MIEF1: variants seen among roughly 807,000 people sequenced by gnomAD.
MIEF1 encodes the protein mitochondrial dynamics protein MIEF1.
MIEF1 carries 14 observed loss-of-function variants against 35.1 expected under a neutral mutation model. The observed-to-expected ratio is 0.40, with a 90% CI of 0.26 to 0.62. The LOEUF is 0.62. MIEF1 is among the 20% of genes least tolerant of loss of function. MIEF1 has a pLI of 0.43. For missense variants in MIEF1, 542 were observed against 615.4 expected (o/e 0.88, Z 1.26); for synonymous variants, 245 against 254.3 (o/e 0.96, Z 0.35).
chr22:39,517,730 C>G lies in MIEF1; in HGVS notation c.*3407C>G. On this transcript the variant is annotated 3_prime_UTR_variant, in exon 6 of 6. Transcript: ENST00000325301. ...TAGGAGACTTAGGACAGAGCTGACC[C>G]TTGCACCAGGCTGGGAGGCTGCAGC... 2.5e-6 allele frequency: 1 copy of G among 401,520 alleles called. No individual in the cohort carries two copies. Among genetic ancestry groups the G allele is most frequent in the African/African-American group, 2.1e-5 (1 of 47,950 alleles). 24.9% of individuals were successfully genotyped at this position (401,520 alleles called of 1,614,324 possible).
Position 39,513,793 on chromosome 22 carries a change from C to T in MIEF1, c.862C>T (p.Arg288Cys), listed in dbSNP as rs201274653. 58 of 1,614,122 alleles carry T rather than the reference C, an allele frequency of 3.6e-5. No individual in the cohort carries two copies. Among genetic ancestry groups the T allele is most frequent in the East Asian group, 3.6e-4 (16 of 44,886 alleles). The change falls in exon 6 of 6, where the codon CGC becomes TGC. Residue 288 changes from arginine to cysteine, a missense_variant. Physicochemically the swap from Arg to Cys is radical, Grantham distance 180. Transcript: ENST00000325301. ...AGGGTCCCTCTTGGACTATGTGATCCGCCCGGCCCCACCCCCAGAAGCCCT... is the reference window on the plus strand; with the variant it reads ...AGGGTCCCTCTTGGACTATGTGATCTGCCCGGCCCCACCCCCAGAAGCCCT... Reference protein sequence around the residue: ...AIGSLLDYVIRPAPPPEALTL... With the variant: ...AIGSLLDYVICPAPPPEALTL...
intron 1 of MIEF1, chr22:39,503,345 T>G (rs1476599324): frequency 6.6e-6 from 1 of 152,236 alleles, no homozygotes; most frequent in Non-Finnish European, 1.5e-5. Context: ...GCTTCGAACA[T>G]TGCACGTTGT....
intron 2 of MIEF1, among the ~76,000 whole-genome samples, chr22:39,507,035 A>G (rs904586908): frequency 6.6e-6 from 1 of 152,192 alleles, no homozygotes; most frequent in Admixed American, 6.5e-5. Context: ...CTTACCTGCT[A>G]GTAGGCTGTA....
At chr22:39,506,921 T>C (rs894001551) in intron 2 of MIEF1, among the ~76,000 whole-genome samples, 2 of 152,202 alleles carry the variant, frequency 1.3e-5, no homozygotes, top group African/African-American at 4.8e-5. Context: ...ATTCACATTG[T>C]TGGGTAACAG....
At position 39,517,442 on chromosome 22, in the gene MIEF1, C is replaced by T. The variant is rs1930734014; in HGVS notation, c.*3119C>T. ...GTCTCCTGGGTCCCGGCCACCTGTC[C>T]ATATTCCACATTTGCTGACTGTGCT... is the stretch of plus-strand genomic sequence containing the variant. On this transcript the variant is annotated 3_prime_UTR_variant, in exon 6 of 6. Transcript: ENST00000325301. 2.4e-6 allele frequency: 1 copy of T among 424,946 alleles called. No individual in the cohort carries two copies. Among genetic ancestry groups the T allele is most frequent in the African/African-American group, 2.1e-5 (1 of 48,632 alleles). 26.3% of individuals were successfully genotyped at this position (424,946 alleles called of 1,614,324 possible). A position where few individuals can be genotyped will look rare whatever the true frequency, so the allele number is the denominator to read the frequency against.
Position 39,514,877 on chromosome 22 carries a change from G to A in MIEF1, c.*554G>A, listed in dbSNP as rs1302066208. ...TTTAGGGTTTCTGGGAGTGAGGCTG[G>A]TAGAAGAGTTGGCCTTTGACCACGG... On this transcript the variant is annotated 3_prime_UTR_variant, in exon 6 of 6. Coordinates refer to ENST00000325301, the MANE Select transcript of MIEF1 (RefSeq NM_019008.6). The A allele has an allele frequency of 3.7e-6, 1 of 267,278 alleles. No individual in the cohort carries two copies. Among genetic ancestry groups the A allele is most frequent in the Non-Finnish European group, 7.2e-6 (1 of 139,740 alleles). 16.6% of individuals were successfully genotyped at this position (267,278 alleles called of 1,614,324 possible).
rs142036376 is a variant in MIEF1 at position 39,512,837 on chromosome 22, C to T, written c.585+343C>T. Among the ~76,000 whole-genome samples the T allele has an allele frequency of 4.7e-4, 71 of 152,030 alleles. 4 individuals are homozygous for T. In the East Asian group the frequency reaches 0.013, roughly 27 times the overall value. On this transcript the variant is annotated intron_variant, in intron 5 of 5. Coordinates refer to ENST00000325301, the MANE Select transcript of MIEF1 (RefSeq NM_019008.6). ...AATTTTTTTGTATTTTTAGTAGAGACGGGGTTTTGCCATGCCGGTCAGGCT... is the reference window on the plus strand; with the variant it reads ...AATTTTTTTGTATTTTTAGTAGAGATGGGGTTTTGCCATGCCGGTCAGGCT...
In MIEF1 at chr22:39,514,239, A is replaced by G. The variant is rs2232093; in HGVS notation, c.1308A>G (p.Ala436=). The G allele has an allele frequency of 2.2e-5, 35 of 1,614,214 alleles. No individual in the cohort carries two copies. In the African/African-American group the frequency reaches 3.6e-4, roughly 17 times the overall value. The change falls in exon 6 of 6, where the codon GCA becomes GCG. Residue 436 remains alanine (A), a synonymous_variant. Coordinates refer to ENST00000325301, the MANE Select transcript of MIEF1 (RefSeq NM_019008.6). The stretch of plus-strand genomic sequence containing the variant: ...TAAACCCCAAGGTGAACTTATTTGC[A>G]GAGCTCACCCCTGAAGAAATAGACG... The part of the protein sequence containing the change: ...SALNPKVNLF[A]ELTPEEIDEL...
chr22:39,500,747 T>A (rs1423752016), upstream of MIEF1, among the ~76,000 whole-genome samples: 1 of 151,698 alleles, frequency 6.6e-6, no homozygotes, highest in Non-Finnish European at 1.5e-5. Flanking sequence ...CAGGCTGGAG[T>A]ACAGTAGCGT....
chr22:39,500,733 C>G (rs958170313), upstream of MIEF1, among the ~76,000 whole-genome samples: 2 of 151,688 alleles, frequency 1.3e-5, no homozygotes, highest in Middle Eastern at 3.4e-3. Flanking sequence ...CTTGTTCTGT[C>G]GCCCAGGCTG....
At chr22:39,501,268 G>A (rs144354846), upstream of MIEF1, among the ~76,000 whole-genome samples, 473 of 152,294 alleles carry the variant, frequency 3.1e-3, 5 homozygotes, top group Non-Finnish European at 4.7e-3. Flanking sequence ...GCTTACCTGG[G>A]GGGAGGCCTG....
intron 2 of MIEF1, chr22:39,509,533 G>GC (rs1377320053): frequency 1.3e-5 from 2 of 152,282 alleles, no homozygotes; most frequent in African/African-American, 4.8e-5. Flanking sequence ...TGCACTGGAG[G>GC]CCAGCCTCTT....
At position 39,512,346 on chromosome 22, in the gene MIEF1, G is replaced by A. The variant is rs773951732; in HGVS notation, c.437G>A (p.Arg146Gln). ...QEKLLTYYRN[R>Q]AAIPAGEQAR... ...AAACTTCTTACTTACTACCGGAACC[G>A]GGCAGCCATCCCTGCTGGAGAGCAG... is the stretch of plus-strand genomic sequence containing the variant. The change falls in exon 5 of 6, where the codon CGG (arginine) becomes CAG (glutamine). Residue 146 changes from arginine to glutamine, a missense_variant. Transcript: ENST00000325301. 2.5e-6 allele frequency: 4 copies of A among 1,614,226 alleles called. No homozygotes were observed. In the Admixed American group the frequency reaches 5.0e-5, roughly 20 times the overall value.
intron 1 of MIEF1, among the ~76,000 whole-genome samples, chr22:39,502,701 C>T (rs943348536): frequency 2.6e-5 from 4 of 152,382 alleles, no homozygotes; most frequent in Admixed American, 2.6e-4. Flanking sequence ...CCGGCCCCCA[C>T]GGTTGGTGAA....
At chr22:39,512,074 C>G in intron 4 of MIEF1, 48 bp downstream of exon 4, 2 of 1,588,914 alleles carry the variant, frequency 1.3e-6, no homozygotes, top group Non-Finnish European at 1.7e-6. Flanking sequence ...ACTTTCAGTA[C>G]CACTCCTGCA....
chr22:39,507,162 C>T (rs1435536652), intron 2 of MIEF1, among the ~76,000 whole-genome samples: 2 of 152,116 alleles, frequency 1.3e-5, no homozygotes, highest in African/African-American at 2.4e-5. Context: ...TTGTGGATGC[C>T]GTCTTCTGTT....
In MIEF1 at chr22:39,514,281, G is replaced by T. The variant is rs767234558; in HGVS notation, c.1350G>T (p.Leu450=). Residue 450 remains leucine (L), a synonymous_variant, in exon 6 of 6, where the codon CTG becomes CTT. Coordinates refer to ENST00000325301, the MANE Select transcript of MIEF1 (RefSeq NM_019008.6). ...AAATAGACGAATTAGGATACACTCT[G>T]TATTGCTCATTGTCTGAGCCAGAGG... ...PEEIDELGYT[L]YCSLSEPEVL... The T allele has an allele frequency of 1.2e-6, 2 of 1,614,138 alleles. No homozygotes were observed. The highest frequency in any genetic ancestry group is 1.7e-6 in the Non-Finnish European group (2 of 1,180,042).
Position 39,512,410 on chromosome 22 carries a change from G to A in MIEF1, c.501G>A (p.Glu167=). 5.0e-6 allele frequency: 8 copies of A among 1,614,184 alleles called. No individual in the cohort carries two copies. The highest frequency in any genetic ancestry group is 5.9e-6 in the Non-Finnish European group (7 of 1,180,034). The change falls in exon 5 of 6, where the codon GAG becomes GAA. Residue 167 remains glutamate, a synonymous_variant. Transcript: ENST00000325301. ...AAGCTGCTGTGGACATATGTGCCGA[G>A]CTCCGGAGCTTCCTGCGGGCCAAGT... The part of the protein sequence containing the change: ...AKQAAVDICA[E]LRSFLRAKLP...
upstream of MIEF1, among the ~76,000 whole-genome samples, chr22:39,500,831 A>AT (rs1451892424): frequency 1.3e-5 from 2 of 151,816 alleles, no homozygotes; most frequent in Non-Finnish European, 2.9e-5. Flanking sequence ...AGTAACTGGG[A>AT]TTACAGGTAC....
Sources: allele counts gnomAD v4.1 joint callset (sites outside exome capture counted in the v4.1 genomes callset), GRCh38; gene constraint gnomAD v4.1.1; transcripts MANE v1.5; gene names NCBI Gene and HGNC (gene_info 2026-07-23, HGNC 2026-07-21).